The following COG6 variants were observed in gnomAD, a reference collection of about 807,000 sequenced individuals.
The protein encoded by COG6 is component of oligomeric golgi complex 6.
Under a neutral mutation model 88.8 loss-of-function variants are expected in COG6, and 74 were observed. The observed-to-expected ratio is 0.83, with a 90% CI of 0.69 to 1.01. COG6 has a LOEUF of 1.01. COG6 is among the 50% of genes least tolerant of loss of function. COG6 has a pLI of 0.00. For synonymous variants in COG6, 286 were observed against 278.7 expected (o/e 1.03, Z -0.26); for missense variants, 800 against 797.9 (o/e 1.00, Z -0.03).
chr13:39,770,932 G>C (rs1881302497), intron 18 of COG6, among the ~76,000 whole-genome samples: 2 of 152,106 alleles, frequency 1.3e-5, no homozygotes, highest in African/African-American at 2.4e-5. Flanking sequence ...TTCTCTTCTT[G>C]TTTCTACAAG....
At chr13:39,698,807 A>G (rs1403696810) in intron 12 of COG6, among the ~76,000 whole-genome samples, 1 of 151,832 alleles carries the variant, frequency 6.6e-6, no homozygotes, top group African/African-American at 2.4e-5. Flanking sequence ...CACTTTTAGT[A>G]TGTGAATTAG....
intron 18 of COG6, among the ~76,000 whole-genome samples, chr13:39,777,683 G>A (rs1283433538): frequency 2.0e-5 from 3 of 152,162 alleles, no homozygotes; most frequent in African/African-American, 7.2e-5. Context: ...GCTCTTCTTG[G>A]TTGGAGTATC....
intron 18 of COG6, among the ~76,000 whole-genome samples, chr13:39,728,259 G>A (rs563732541): frequency 7.9e-5 from 12 of 152,104 alleles, no homozygotes; most frequent in South Asian, 2.1e-4. Context: ...TTAAACATGC[G>A]AACAAATATT....
chr13:39,705,150 G>C (rs1877812582), intron 13 of COG6, among the ~76,000 whole-genome samples: 1 of 152,232 alleles, frequency 6.6e-6, no homozygotes, highest in African/African-American at 2.4e-5. Context: ...CATTAGCAAA[G>C]CACCCAAGTG....
intron 18 of COG6, among the ~76,000 whole-genome samples, chr13:39,733,352 G>A (rs754238769): frequency 2.0e-5 from 3 of 151,746 alleles, no homozygotes; most frequent in Non-Finnish European, 2.9e-5. Flanking sequence ...CAATGTGCCC[G>A]GCTAATTTTT....
At chr13:39,743,396 A>G (rs2138130082) in intron 18 of COG6, among the ~76,000 whole-genome samples, 1 of 152,274 alleles carries the variant, frequency 6.6e-6, no homozygotes, top group East Asian at 1.9e-4. Context: ...AATCAAATAG[A>G]TGCAATAAAA....
intron 18 of COG6, among the ~76,000 whole-genome samples, chr13:39,730,593 G>A (rs1879380089): frequency 6.6e-6 from 1 of 151,284 alleles, no homozygotes; most frequent in Admixed American, 6.6e-5. Flanking sequence ...TGCCAATATG[G>A]TGAAACCCTG....
chr13:39,735,501 CT>C (rs1299503539), intron 18 of COG6, among the ~76,000 whole-genome samples: 2 of 152,064 alleles, frequency 1.3e-5, no homozygotes, highest in African/African-American at 4.8e-5. Context: ...CTAGGTTCAT[CT>C]TTTTATTCTG....
At chr13:39,667,960 C>T (rs7325354) in intron 4 of COG6, among the ~76,000 whole-genome samples, 99,363 of 152,008 alleles carry the variant, frequency 0.65, 32,748 homozygotes, top group Admixed American at 0.77. Context: ...TTTGACTTAA[C>T]GATAAGCAAG....
chr13:39,668,012 T>C (rs1875377338), intron 4 of COG6, among the ~76,000 whole-genome samples: 1 of 152,194 alleles, frequency 6.6e-6, no homozygotes, highest in African/African-American at 2.4e-5. Context: ...TTCAAAGCTT[T>C]TTTTTTAAAA....
chr13:39,719,683 T>C lies in COG6; in HGVS notation c.1440T>C (p.Pro480=), dbSNP rs1408658602. Residue 480 remains proline (P), a synonymous_variant, in exon 15 of 19, where the codon CCT becomes CCC. Coordinates refer to ENST00000455146, the MANE Select transcript of COG6 (RefSeq NM_020751.3). The part of the protein sequence containing the change: ...FVQVLSCVLD[P]LLQMCTVSAS... The stretch of plus-strand genomic sequence containing the variant: ...AGGTTTTATCATGTGTCTTGGATCC[T>C]CTCCTACAGATGTGTACTGTATCAG... The C allele has an allele frequency of 6.2e-7, 1 of 1,612,860 alleles. No individual in the cohort carries two copies. Among genetic ancestry groups the C allele is most frequent in the East Asian group, 2.2e-5 (1 of 44,826 alleles).
chr13:39,682,054 T>C (rs1221457742), intron 7 of COG6, 117 bp from the exon 8 acceptor site: 3 of 731,922 alleles, frequency 4.1e-6, no homozygotes, highest in Non-Finnish European at 2.4e-6. Flanking sequence ...TCTAGGTTTT[T>C]CTGAGGATTT....
chr13:39,735,706 CTTTTTT>C (rs747873961), intron 18 of COG6, among the ~76,000 whole-genome samples: 8 of 108,066 alleles, frequency 7.4e-5, no homozygotes, highest in Non-Finnish European at 1.3e-4. Context: ...TGATGAAGTC[CTTTTTT>C]TTTTTTTTTT....
intron 18 of COG6, among the ~76,000 whole-genome samples, chr13:39,783,157 AATG>A (rs1881679114): frequency 6.6e-6 from 1 of 152,208 alleles, no homozygotes; most frequent in African/African-American, 2.4e-5. Context: ...TCATATTTTT[AATG>A]ATGATCCTAG....
At chr13:39,778,177 T>A (rs1881520560) in intron 18 of COG6, among the ~76,000 whole-genome samples, 1 of 152,246 alleles carries the variant, frequency 6.6e-6, no homozygotes, top group Non-Finnish European at 1.5e-5. Flanking sequence ...ATTTAATACA[T>A]ATCCAATTTG....
intron 3 of COG6, chr13:39,664,123 A>G (rs1301758407): frequency 6.5e-6 from 1 of 154,732 alleles, no homozygotes; most frequent in Non-Finnish European, 1.5e-5. Flanking sequence ...GGAGGTGTCT[A>G]GGTCTAAGGC....
intron 11 of COG6, among the ~76,000 whole-genome samples, chr13:39,694,365 A>G (rs535885091): frequency 6.6e-6 from 1 of 151,894 alleles, no homozygotes; most frequent in East Asian, 1.9e-4. Context: ...ATCTCAAATG[A>G]TCTCAATGTA....
intron 13 of COG6, among the ~76,000 whole-genome samples, chr13:39,716,166 C>CT (rs1566192780): frequency 6.6e-6 from 1 of 151,600 alleles, no homozygotes; most frequent in Non-Finnish European, 1.5e-5. Context: ...TGTTTTGGGG[C>CT]TTTTTTGTTG....
intron 11 of COG6, among the ~76,000 whole-genome samples, chr13:39,692,845 G>T (rs932911502): frequency 6.6e-6 from 1 of 151,958 alleles, no homozygotes; most frequent in Admixed American, 6.6e-5. Flanking sequence ...TGATGTGCCA[G>T]GGTCTGTTCC....
Sources: allele counts gnomAD v4.1 joint callset (sites outside exome capture counted in the v4.1 genomes callset), GRCh38; gene constraint gnomAD v4.1.1; transcripts MANE v1.5; gene names NCBI Gene and HGNC (gene_info 2026-07-23, HGNC 2026-07-21).